Variants in PTPRG observed in about 807,000 individuals in gnomAD.
PTPRG encodes protein tyrosine phosphatase receptor type G, also known as receptor-type tyrosine-protein phosphatase gamma.
A neutral mutation model predicts 165.3 loss-of-function variants in PTPRG; 102 were observed. The ratio of observed to expected loss-of-function variants is 0.62; its 90% CI spans 0.53 to 0.73. PTPRG has a LOEUF of 0.73. PTPRG is among the 30% of genes least tolerant of loss of function. The pLI is 0.00. For synonymous variants in PTPRG, 675 were observed against 669.5 expected, an observed-to-expected ratio of 1.01 and a Z score of -0.13; for missense variants, 1,866 against 1,861.4, an observed-to-expected ratio of 1.00 and a Z score of -0.05.
intron 1 of PTPRG, among the ~76,000 whole-genome samples, chr3:61,618,595 G>T (rs531299666): frequency 6.6e-6 from 1 of 151,818 alleles, no homozygotes; most frequent in Non-Finnish European, 1.5e-5. Flanking sequence ...GGATGTCGAG[G>T]GGAAAAAAAC....
intron 2 of PTPRG, among the ~76,000 whole-genome samples, chr3:61,940,604 GATTTTATTCTGGTTTTTATTGATTTCT>G (rs2039596992): frequency 6.6e-6 from 1 of 151,984 alleles, no homozygotes; most frequent in African/African-American, 2.4e-5. Flanking sequence ...TTCTCAAGGG[GATTTTATTCTGGTTTTTATTGATTTCT>G]ATGGATTCAG....
intron 1 of PTPRG, among the ~76,000 whole-genome samples, chr3:61,642,405 G>C (rs534110696): frequency 6.6e-6 from 1 of 152,300 alleles, no homozygotes; most frequent in African/African-American, 2.4e-5. Flanking sequence ...ATAGATGCTT[G>C]ATTCAGGTTT....
chr3:61,599,789 TGGC>T (rs2106842926), intron 1 of PTPRG, among the ~76,000 whole-genome samples: 1 of 152,234 alleles, frequency 6.6e-6, no homozygotes, highest in East Asian at 1.9e-4. Flanking sequence ...CCACCGCACC[TGGC>T]TGATCCTGCA....
rs117080337 is a variant in PTPRG at position 62,173,833 on chromosome 3, C to T, written c.1033+5670C>T. The stretch of plus-strand genomic sequence containing the variant: ...CCCATATTTTATCAGGATGATTGGA[C>T]GTCCTGGAATAGAGAATACAGAATC... On this transcript the variant is annotated intron_variant, in intron 8 of 29. Transcript: ENST00000474889. 5.9e-3 allele frequency among the ~76,000 whole-genome samples: 897 copies of T among 152,192 alleles called. 19 individuals carry two copies. The highest frequency in any genetic ancestry group is 0.042 in the Admixed American group (645 of 15,270).
At chr3:61,563,565 T>A (rs1378860662) in intron 1 of PTPRG, among the ~76,000 whole-genome samples, 1 of 152,192 alleles carries the variant, frequency 6.6e-6, no homozygotes, top group African/African-American at 2.4e-5. Flanking sequence ...TTGCTTTTCA[T>A]CCCTCGCTCC....
chr3:61,800,604 A>T (rs1011496661), intron 2 of PTPRG, among the ~76,000 whole-genome samples: 5 of 151,596 alleles, frequency 3.3e-5, no homozygotes, highest in African/African-American at 1.2e-4. Flanking sequence ...CTGAGGTAAT[A>T]GGTGTGGAGA....
At chr3:62,180,717 T>C (rs1705612844) in intron 8 of PTPRG, among the ~76,000 whole-genome samples, 1 of 152,172 alleles carries the variant, frequency 6.6e-6, no homozygotes, top group African/African-American at 2.4e-5. Context: ...CCCTTAGCGC[T>C]GAGCTGAACA....
chr3:61,719,402 A>G lies in PTPRG; in HGVS notation c.86-29476A>G, dbSNP rs143140706. Among the ~76,000 whole-genome samples, 94 of 152,074 alleles carry G rather than the reference A, an allele frequency of 6.2e-4. No individual in the cohort carries two copies. In the East Asian group the frequency reaches 0.013, roughly 21 times the overall value. On this transcript the variant is annotated intron_variant, in intron 1 of 29. Coordinates refer to ENST00000474889, the MANE Select transcript of PTPRG (RefSeq NM_002841.4). ...ACTGGTGTCGAGGTCTTTTCTTGCT[A>G]AAGTGTGTGGGGAGTGCATACTCAG... is the stretch of plus-strand genomic sequence containing the variant.
chr3:61,998,146 A>C (rs1471716092), intron 3 of PTPRG, among the ~76,000 whole-genome samples: 1 of 152,132 alleles, frequency 6.6e-6, no homozygotes, highest in Non-Finnish European at 1.5e-5. Flanking sequence ...CAGTTGGGGG[A>C]TGTCCTGCAA....
chr3:61,645,538 T>C (rs1559538074), intron 1 of PTPRG, among the ~76,000 whole-genome samples: 1 of 152,234 alleles, frequency 6.6e-6, no homozygotes, highest in Non-Finnish European at 1.5e-5. Context: ...TTTTGCCAGT[T>C]GCTACAACAT....
At chr3:61,951,774 A>G (rs984132974) in intron 2 of PTPRG, among the ~76,000 whole-genome samples, 3 of 152,158 alleles carry the variant, frequency 2.0e-5, no homozygotes, top group African/African-American at 7.2e-5. Flanking sequence ...TGATTCTGTG[A>G]AGTGCTCTTT....
intron 2 of PTPRG, among the ~76,000 whole-genome samples, chr3:61,935,878 G>GTTTAAA (rs10647309): frequency 0.42 from 63,193 of 151,310 alleles, 14,166 homozygotes; most frequent in Non-Finnish European, 0.51. Context: ...TAACTGCTTG[G>GTTTAAA]TTTAAATGAT....
intron 10 of PTPRG, among the ~76,000 whole-genome samples, chr3:62,197,554 T>C (rs1021374663): frequency 5.7e-4 from 86 of 152,146 alleles, no homozygotes; most frequent in African/African-American, 2.0e-3. Context: ...GAGGAAGGAC[T>C]GCAGGCCAAG....
chr3:62,265,581 A>AACTC (rs1242732021), intron 17 of PTPRG, among the ~76,000 whole-genome samples: 8 of 152,248 alleles, frequency 5.3e-5, no homozygotes, highest in African/African-American at 1.7e-4. Context: ...ATGTTACAAA[A>AACTC]ACTCCAAGTT....
chr3:62,273,038 T>C lies in PTPRG; in HGVS notation c.3275T>C (p.Leu1092Pro). The change falls in exon 22 of 30, where the codon CTG (leucine) becomes CCG (proline). Residue 1092 changes from leucine (L) to proline (P), a missense_variant. Around this residue, in one of 3 missense-constraint regions of PTPRG, gnomAD observed 1,452 missense variants for 1,463.0 expected, o/e 0.99. Coordinates refer to ENST00000474889, the MANE Select transcript of PTPRG (RefSeq NM_002841.4). This position sits in a 1 kb window ranked among gnomAD's most constrained non-coding sequence, Gnocchi z 4.1. ...AGCACAGTTAACGTCCTGGGATTCC[T>C]GAAGCATATCAGGACACAGCGTAAC... ...DKSTVNVLGF[L>P]KHIRTQRNYL... 1 of 1,613,800 alleles carries C rather than the reference T, an allele frequency of 6.2e-7. No homozygotes were observed. Among genetic ancestry groups the C allele is most frequent in the Non-Finnish European group, 8.5e-7 (1 of 1,179,816 alleles).
At position 62,014,816 on chromosome 3, in the gene PTPRG, TCAGCA is replaced by T. The variant is rs2041502163; in HGVS notation, c.519+11321_519+11325del. ...TACTGAAATACCTAAGCATATATAG[TCAGCA>T]CCCATCGAAAAAGATGGCCCCAGCA... On this transcript the variant is annotated intron_variant, in intron 4 of 29. Transcript: ENST00000474889. 2.0e-5 allele frequency among the ~76,000 whole-genome samples: 3 copies of T among 152,364 alleles called. No individual in the cohort carries two copies. In the South Asian group the frequency reaches 6.2e-4, roughly 32 times the overall value.
chr3:62,214,344 G>C lies in PTPRG; in HGVS notation c.2156-4507G>C, dbSNP rs548224503. Among the ~76,000 whole-genome samples the C allele has an allele frequency of 6.6e-6, 1 of 152,276 alleles. No individual in the cohort carries two copies. Among genetic ancestry groups the C allele is most frequent in the East Asian group, 1.9e-4 (1 of 5,192 alleles). On this transcript the variant is annotated intron_variant, in intron 12 of 29. Coordinates refer to ENST00000474889, the MANE Select transcript of PTPRG (RefSeq NM_002841.4). This position sits in a 1 kb window ranked among gnomAD's most constrained non-coding sequence, Gnocchi z 5.2. ...ATGGTGTTGCCGAAGCTGGGGTGGT[G>C]GTGATGACAATAATCACAATAGTTA...
intron 4 of PTPRG, among the ~76,000 whole-genome samples, chr3:62,053,537 G>A (rs1700534154): frequency 6.6e-6 from 1 of 152,134 alleles, no homozygotes; most frequent in African/African-American, 2.4e-5. Context: ...AAAGTTGTGG[G>A]ATTACAGGCA....
intron 4 of PTPRG, among the ~76,000 whole-genome samples, chr3:62,041,732 A>G (rs560683848): frequency 3.3e-5 from 5 of 152,196 alleles, no homozygotes; most frequent in African/African-American, 1.2e-4. Context: ...CCGAGATATG[A>G]CGGTGGTAAT....
Sources: allele counts gnomAD v4.1 joint callset (sites outside exome capture counted in the v4.1 genomes callset), GRCh38; gene constraint gnomAD v4.1.1; regional missense constraint gnomAD v4.1.1; non-coding constraint Gnocchi (gnomAD v3.1); transcripts MANE v1.5; gene names NCBI Gene and HGNC (gene_info 2026-07-23, HGNC 2026-07-21).